GPC5: variants seen among roughly 807,000 people sequenced by gnomAD.
The protein encoded by GPC5 is glypican-5.
Under a neutral mutation model 53.9 loss-of-function variants are expected in GPC5, and 47 were observed. The ratio of observed to expected loss-of-function variants is 0.87; its 90% CI spans 0.69 to 1.11. GPC5 has a LOEUF of 1.11. Ranked by LOEUF, GPC5 falls within the 50% of genes most tolerant of loss-of-function variation. The probability of loss-of-function intolerance (pLI) is 0.00; values close to 1 mark genes in which losing one functional copy is unlikely to be tolerated. For synonymous variants in GPC5, 286 were observed against 263.3 expected, an observed-to-expected ratio of 1.09 and a Z score of -0.84; for missense variants, 748 against 713.1, an observed-to-expected ratio of 1.05 and a Z score of -0.56.
At chr13:92,837,762 C>T (rs1346810043) in intron 7 of GPC5, among the ~76,000 whole-genome samples, 4 of 152,098 alleles carry the variant, frequency 2.6e-5, no homozygotes, top group South Asian at 2.1e-4. Flanking sequence ...CTCTGGAAGG[C>T]TGGAATAAAC....
chr13:91,647,088 TG>T (rs2034578054), intron 2 of GPC5, among the ~76,000 whole-genome samples: 1 of 97,102 alleles, frequency 1.0e-5, no homozygotes, highest in Admixed American at 1.3e-4. Flanking sequence ...TGTGTGTGTG[TG>T]TGTGTGTGTG....
intron 7 of GPC5, among the ~76,000 whole-genome samples, chr13:92,761,881 T>G (rs1187244480): frequency 6.6e-6 from 1 of 152,106 alleles, no homozygotes; most frequent in Non-Finnish European, 1.5e-5. Context: ...GGAGAAAATG[T>G]GCTGAAAGAG....
intron 7 of GPC5, among the ~76,000 whole-genome samples, chr13:92,281,491 A>G (rs2042915280): frequency 6.6e-6 from 1 of 152,188 alleles, no homozygotes; most frequent in Non-Finnish European, 1.5e-5. Flanking sequence ...ACTGGGAGGT[A>G]CACCCCAGTA....
intron 7 of GPC5, among the ~76,000 whole-genome samples, chr13:92,719,166 AG>A (rs955911461): frequency 6.1e-5 from 9 of 146,576 alleles, no homozygotes; most frequent in African/African-American, 2.3e-4. Flanking sequence ...TGATTCCTAT[AG>A]CCCCCCCCCA....
At chr13:91,404,613 T>C in intron 1 of GPC5, among the ~76,000 whole-genome samples, 1 of 152,212 alleles carries the variant, frequency 6.6e-6, no homozygotes, top group East Asian at 1.9e-4. Context: ...AAATGATTAT[T>C]CATTCCTCTG....
chr13:92,566,930 A>G (rs1010585328), intron 7 of GPC5, among the ~76,000 whole-genome samples: 5 of 152,244 alleles, frequency 3.3e-5, no homozygotes, highest in Middle Eastern at 3.4e-3. Flanking sequence ...GACCTAGAGG[A>G]TGATTATAAT....
At chr13:91,969,419 T>C (rs1021845303) in intron 6 of GPC5, among the ~76,000 whole-genome samples, 33 of 152,236 alleles carry the variant, frequency 2.2e-4, no homozygotes, top group African/African-American at 7.2e-4. Context: ...GTAAATCTTC[T>C]AGAAAAAAAT....
rs946722214 is a variant in GPC5 at position 92,464,152 on chromosome 13, G to T, written c.1561+319163G>T. On this transcript the variant is annotated intron_variant, in intron 7 of 7. Transcript: ENST00000377067. Reference sequence around the variant, plus strand: ...GTTATACAATTTATCACTCAGATCTGACTGGAGAGACCAGGACATTTCTAT... The same window carrying T: ...GTTATACAATTTATCACTCAGATCTTACTGGAGAGACCAGGACATTTCTAT... Among the ~76,000 whole-genome samples the T allele has an allele frequency of 2.0e-5, 3 of 152,178 alleles. No homozygotes were observed. In the South Asian group the frequency reaches 6.2e-4, roughly 31 times the overall value.
At chr13:92,425,466 A>G (rs371001275) in intron 7 of GPC5, among the ~76,000 whole-genome samples, 1 of 152,050 alleles carries the variant, frequency 6.6e-6, no homozygotes, top group African/African-American at 2.4e-5. Context: ...TTACCACGAC[A>G]GTCCTATGGC....
intron 7 of GPC5, among the ~76,000 whole-genome samples, chr13:92,641,594 A>G (rs1885596403): frequency 6.6e-6 from 1 of 152,128 alleles, no homozygotes; most frequent in Admixed American, 6.6e-5. Context: ...TTCAGTCTGG[A>G]GAGTTTTATT....
chr13:91,403,407 A>T (rs1375882530), intron 1 of GPC5, among the ~76,000 whole-genome samples: 1 of 152,210 alleles, frequency 6.6e-6, no homozygotes, highest in South Asian at 2.1e-4. Context: ...GGTTTAATGA[A>T]GTGGGGCAAT....
rs574945047 is a variant in GPC5 at position 91,885,381 on chromosome 13, T to C, written c.1281-22556T>C. ...AAGTTTTTTTTCTTTATTTGTAAAA[T>C]TCAGGAGTTTGGCTAGTTGCTATTT... On this transcript the variant is annotated intron_variant, in intron 5 of 7. Coordinates refer to ENST00000377067, the MANE Select transcript of GPC5 (RefSeq NM_004466.6). Among the ~76,000 whole-genome samples, 81 of 152,310 alleles carry C rather than the reference T, an allele frequency of 5.3e-4. 1 individual carries two copies. Among genetic ancestry groups the C allele is most frequent in the African/African-American group, 1.9e-3 (79 of 41,556 alleles).
chr13:91,439,144 G>A (rs1272521146), intron 1 of GPC5, among the ~76,000 whole-genome samples: 1 of 152,180 alleles, frequency 6.6e-6, no homozygotes, highest in African/African-American at 2.4e-5. Context: ...ATATTGGCAT[G>A]ACTCCGGCTT....
intron 6 of GPC5, among the ~76,000 whole-genome samples, chr13:92,124,188 G>T (rs2041674510): frequency 7.8e-6 from 1 of 127,968 alleles, no homozygotes; most frequent in African/African-American, 3.0e-5. Context: ...TAAAATCTTA[G>T]CAATCCCTGC....
intron 1 of GPC5, among the ~76,000 whole-genome samples, chr13:91,424,845 A>C (rs1878924323): frequency 6.6e-6 from 1 of 152,200 alleles, no homozygotes; most frequent in African/African-American, 2.4e-5. Flanking sequence ...GCAGGAACAT[A>C]ATCTACTTGC....
chr13:92,490,978 G>A (rs1195664191), intron 7 of GPC5, among the ~76,000 whole-genome samples: 1 of 152,152 alleles, frequency 6.6e-6, no homozygotes, highest in South Asian at 2.1e-4. Flanking sequence ...TACAGAATGA[G>A]GTAGAACAAA....
intron 5 of GPC5, among the ~76,000 whole-genome samples, chr13:91,820,179 G>A (rs1386744017): frequency 2.0e-5 from 3 of 151,566 alleles, no homozygotes; most frequent in African/African-American, 7.3e-5. Flanking sequence ...CTTACATTAT[G>A]GTTTGCATTT....
intron 6 of GPC5, among the ~76,000 whole-genome samples, chr13:92,112,248 A>T (rs552433455): frequency 6.6e-6 from 1 of 152,172 alleles, no homozygotes; most frequent in South Asian, 2.1e-4. Context: ...ATCAGCCTAT[A>T]AGGCATAACT....
rs183277651 is a variant in GPC5 at position 92,484,215 on chromosome 13, G to A, written c.1561+339226G>A. 1.3e-3 allele frequency among the ~76,000 whole-genome samples: 193 copies of A among 152,064 alleles called. 1 individual carries two copies. Among genetic ancestry groups the A allele is most frequent in the African/African-American group, 4.4e-3 (181 of 41,496 alleles). ...TCACTGTCTTCCACCTCCACATCTT[G>A]TACTACTGGAGGGACTTCAAGGTCA... On this transcript the variant is annotated intron_variant, in intron 7 of 7. Transcript: ENST00000377067.
Sources: gnomAD v4.1 joint callset for allele counts (sites outside exome capture counted in the v4.1 genomes callset) on GRCh38, gnomAD v4.1.1 for gene constraint, MANE v1.5 for transcripts, NCBI Gene and HGNC (gene_info 2026-07-23, HGNC 2026-07-21) for gene names.